ARMC7: variants seen among roughly 807,000 people sequenced by gnomAD.
ARMC7 encodes the protein armadillo repeat containing 7.
A neutral mutation model predicts 14.8 loss-of-function variants in ARMC7; 9 were observed. The observed-to-expected ratio is 0.61, with a 90% CI of 0.37 to 1.06. The LOEUF is 1.06. Among genes scored for constraint, ARMC7 ranks in the 50% least tolerant of loss-of-function variants. ARMC7 has a pLI of 0.01. For missense variants in ARMC7, 262 were observed against 267.1 expected, an observed-to-expected ratio of 0.98 and a Z score of 0.13; for synonymous variants, 125 against 123.4, an observed-to-expected ratio of 1.01 and a Z score of -0.09.
chr17:75,118,244 A>G (rs992351990), intron 2 of ARMC7, among the ~76,000 whole-genome samples: 1 of 152,014 alleles, frequency 6.6e-6, no homozygotes, highest in African/African-American at 2.4e-5. Flanking sequence ...CGAGTTGCTC[A>G]CTTGCTTCTC....
At chr17:75,112,719 G>T (rs2073935759) in intron 2 of ARMC7, among the ~76,000 whole-genome samples, 1 of 150,638 alleles carries the variant, frequency 6.6e-6, no homozygotes, top group Non-Finnish European at 1.5e-5. Context: ...GTGACTACAG[G>T]TGTGCACCAC....
chr17:75,121,615 T>C (rs186265814), intron 2 of ARMC7, among the ~76,000 whole-genome samples: 91 of 152,288 alleles, frequency 6.0e-4, no homozygotes, highest in African/African-American at 2.2e-3. Flanking sequence ...GTTTTCGCCA[T>C]GTTGGCCAGG....
intron 2 of ARMC7, among the ~76,000 whole-genome samples, chr17:75,117,880 G>C (rs1330012553): frequency 6.6e-6 from 1 of 152,082 alleles, no homozygotes; most frequent in East Asian, 1.9e-4. Flanking sequence ...CAGCACTTTG[G>C]GAGGCTGAGG....
intron 2 of ARMC7, among the ~76,000 whole-genome samples, chr17:75,127,467 T>C (rs1161941676): frequency 1.3e-5 from 2 of 151,962 alleles, no homozygotes; most frequent in African/African-American, 2.4e-5. Context: ...CCCAGCTAAT[T>C]TTTGTGTTTT....
intron 2 of ARMC7, among the ~76,000 whole-genome samples, chr17:75,125,389 AGT>A (rs894327355): frequency 2.6e-5 from 4 of 152,184 alleles, no homozygotes; most frequent in African/African-American, 9.7e-5. Flanking sequence ...AGAGGGTGTC[AGT>A]GTGTGACAAC....
intron 2 of ARMC7, among the ~76,000 whole-genome samples, chr17:75,126,937 C>T (rs1403970744): frequency 6.6e-6 from 1 of 151,750 alleles, no homozygotes; most frequent in Non-Finnish European, 1.5e-5. Flanking sequence ...TGGCACATGC[C>T]GGTTATCCCA....
chr17:75,120,523 G>C (rs2074005960), intron 2 of ARMC7, among the ~76,000 whole-genome samples: 1 of 152,016 alleles, frequency 6.6e-6, no homozygotes, highest in African/African-American at 2.4e-5. Context: ...TTTTAAGACT[G>C]CAGTATGGTG....
chr17:75,116,070 C>T (rs929802892), intron 2 of ARMC7, among the ~76,000 whole-genome samples: 16 of 152,156 alleles, frequency 1.1e-4, no homozygotes, highest in African/African-American at 3.4e-4. Context: ...AAAAACATCA[C>T]GGAATGACAG....
At chr17:75,124,338 G>A (rs2074035538) in intron 2 of ARMC7, among the ~76,000 whole-genome samples, 1 of 152,148 alleles carries the variant, frequency 6.6e-6, no homozygotes, top group Non-Finnish European at 1.5e-5. Flanking sequence ...GCCTCTGTGT[G>A]GGGAGGGAGG....
intron 2 of ARMC7, among the ~76,000 whole-genome samples, chr17:75,117,320 G>A (rs948662176): frequency 2.0e-5 from 3 of 152,082 alleles, no homozygotes; most frequent in Non-Finnish European, 2.9e-5. Context: ...CAGGTGATCC[G>A]CCCGCCTCGG....
intron 2 of ARMC7, among the ~76,000 whole-genome samples, chr17:75,122,686 A>G (rs1393796244): frequency 6.6e-6 from 1 of 152,116 alleles, no homozygotes; most frequent in East Asian, 1.9e-4. Flanking sequence ...TTTTAAAAGA[A>G]TATCTGTAGA....
intron 2 of ARMC7, among the ~76,000 whole-genome samples, chr17:75,119,779 C>T (rs985197729): frequency 6.6e-6 from 1 of 151,908 alleles, no homozygotes; most frequent in African/African-American, 2.4e-5. Flanking sequence ...AGACTTTGAC[C>T]CTGGGCTGCT....
In ARMC7 at chr17:75,110,220, C is replaced by T; in HGVS notation, c.-69C>T. The T allele has an allele frequency of 7.0e-7, 1 of 1,438,428 alleles. No individual in the cohort carries two copies. Among genetic ancestry groups the T allele is most frequent in the Non-Finnish European group, 9.3e-7 (1 of 1,076,074 alleles). 89.1% of individuals were successfully genotyped at this position (1,438,428 alleles called of 1,614,324 possible). A position where few individuals can be genotyped will look rare whatever the true frequency, so the allele number is the denominator to read the frequency against. On this transcript the variant is annotated 5_prime_UTR_variant, in exon 1 of 3. Transcript: ENST00000245543. ...ACAGGTGGAGAGCGGGTGAGGGTCT[C>T]GCTCGGCTTTCCCCCTGCACCTTTC...
At chr17:75,123,078 G>A (rs904981284) in intron 2 of ARMC7, among the ~76,000 whole-genome samples, 7 of 144,156 alleles carry the variant, frequency 4.9e-5, no homozygotes, top group Non-Finnish European at 1.0e-4. Flanking sequence ...TCACTCTGTC[G>A]CCCAAGCTGG....
chr17:75,118,136 A>AC (rs1399014572), intron 2 of ARMC7, among the ~76,000 whole-genome samples: 7 of 152,172 alleles, frequency 4.6e-5, no homozygotes, highest in South Asian at 4.1e-4. Context: ...AAAAAAAAAA[A>AC]AACAAAGTTA....
chr17:75,120,142 T>A (rs544768790), intron 2 of ARMC7, among the ~76,000 whole-genome samples: 2 of 151,768 alleles, frequency 1.3e-5, no homozygotes, highest in African/African-American at 4.8e-5. Flanking sequence ...TGACCTCAGG[T>A]GATCCACCCT....
intron 2 of ARMC7, among the ~76,000 whole-genome samples, chr17:75,125,620 C>T (rs1299023611): frequency 6.6e-6 from 1 of 152,024 alleles, no homozygotes; most frequent in African/African-American, 2.4e-5. Flanking sequence ...GGTGGATCAC[C>T]TGAGGTCAAG....
At position 75,116,798 on chromosome 17, in the gene ARMC7, C is replaced by T. The variant is rs186142812; in HGVS notation, c.235+6192C>T. Among the ~76,000 whole-genome samples, 255 of 152,292 alleles carry T rather than the reference C, an allele frequency of 1.7e-3. 1 individual carries two copies. The highest frequency in any genetic ancestry group is 3.1e-3 in the Non-Finnish European group (208 of 68,032). On this transcript the variant is annotated intron_variant, in intron 2 of 2. Coordinates refer to ENST00000245543, the MANE Select transcript of ARMC7 (RefSeq NM_024585.4). Reference sequence around the variant, plus strand: ...GCTCATTTTATCAATAAGGAAGCTGCGGTGCAGACAGCTGCCCCTCGTCTG... The same window carrying T: ...GCTCATTTTATCAATAAGGAAGCTGTGGTGCAGACAGCTGCCCCTCGTCTG...
intron 2 of ARMC7, among the ~76,000 whole-genome samples, chr17:75,126,094 T>G (rs1023055347): frequency 1.3e-5 from 2 of 152,284 alleles, no homozygotes; most frequent in Non-Finnish European, 1.5e-5. Flanking sequence ...CTTCACTGAT[T>G]GGTCACTCAG....
Sources: allele counts gnomAD v4.1 joint callset (sites outside exome capture counted in the v4.1 genomes callset), GRCh38; gene constraint gnomAD v4.1.1; transcripts MANE v1.5; gene names NCBI Gene and HGNC (gene_info 2026-07-23, HGNC 2026-07-21).